Variants in BCAP29 observed in about 807,000 individuals in gnomAD.
BCAP29 encodes the protein B cell receptor associated protein 29.
A neutral mutation model predicts 31.8 loss-of-function variants in BCAP29; 34 were observed. That is an observed-to-expected ratio of 1.07 (90% CI 0.81 to 1.42). BCAP29 has a LOEUF of 1.42. BCAP29 is among the 40% of genes most tolerant of loss of function. The pLI is 0.00. For missense variants in BCAP29, 314 were observed against 269.2 expected, an observed-to-expected ratio of 1.17 and a Z score of -1.16; for synonymous variants, 104 against 91.3, an observed-to-expected ratio of 1.14 and a Z score of -0.79.
rs571166431 is a variant in BCAP29 at position 107,586,867 on chromosome 7, A to G, written c.193+2885A>G. ...TGCAGCCTCCCAAGTAGCTGGGACT[A>G]CAGGCGAGAGCCACCAACCCCTGGC... On this transcript the variant is annotated intron_variant, in intron 3 of 7. Transcript: ENST00000005259. Among the ~76,000 whole-genome samples, 41 of 151,806 alleles carry G rather than the reference A, an allele frequency of 2.7e-4. 2 individuals are homozygous for G. Among genetic ancestry groups the G allele is most frequent in the African/African-American group, 9.4e-4 (39 of 41,398 alleles).
chr7:107,622,365 T>C (rs1216590991), downstream of BCAP29: 1 of 154,354 alleles, frequency 6.5e-6, no homozygotes, highest in Admixed American at 6.5e-5. Context: ...CATCTACTTT[T>C]CAGCCTCAAC....
chr7:107,596,832 C>A (rs1809911352), intron 5 of BCAP29, among the ~76,000 whole-genome samples: 2 of 152,172 alleles, frequency 1.3e-5, no homozygotes, highest in African/African-American at 4.8e-5. Flanking sequence ...AATACTTTTG[C>A]AACTTTTCTC....
Position 107,591,946 on chromosome 7 carries a change from ATTT to A in BCAP29, c.194-2001_194-1999del, listed in dbSNP as rs953926826. Among the ~76,000 whole-genome samples, 3 of 149,388 alleles carry A rather than the reference ATTT, an allele frequency of 2.0e-5. No individual in the cohort carries two copies. In the South Asian group the frequency reaches 6.4e-4, roughly 32 times the overall value. On this transcript the variant is annotated intron_variant, in intron 3 of 7. Coordinates refer to ENST00000005259, the MANE Select transcript of BCAP29 (RefSeq NM_018844.4). ...GAATGTGAGAACTTTCTTTGTGCTT[ATTT>A]TTTTTTTAATATTTAAAAAAAGAGA...
At chr7:107,590,422 G>A (rs1365616872) in intron 3 of BCAP29, among the ~76,000 whole-genome samples, 1 of 152,182 alleles carries the variant, frequency 6.6e-6, no homozygotes, top group Non-Finnish European at 1.5e-5. Flanking sequence ...AGTAATAGAT[G>A]TCCTAGCCAG....
rs565838469 is a variant in BCAP29 at position 107,596,227 on chromosome 7, G to A, written c.480+225G>A. Among the ~76,000 whole-genome samples, 11 of 152,152 alleles carry A rather than the reference G, an allele frequency of 7.2e-5. No homozygotes were observed. The South Asian group carries it at 2.1e-3, about 29-fold the overall frequency. Reference sequence around the variant, plus strand: ...TATTTAGATTTGCTTTTTCTCCATAGTGGATTTATACCATTGGACCTATTT... The same window carrying A: ...TATTTAGATTTGCTTTTTCTCCATAATGGATTTATACCATTGGACCTATTT... On this transcript the variant is annotated intron_variant, in intron 5 of 7. Transcript: ENST00000005259.
At chr7:107,596,149 G>A in intron 5 of BCAP29, 147 bp downstream of exon 5, 1 of 705,392 alleles carries the variant, frequency 1.4e-6, no homozygotes, top group Admixed American at 3.9e-5. Context: ...ATTATTTCAA[G>A]AATAGTTTTA....
Position 107,594,104 on chromosome 7 carries a change from C to A in BCAP29, c.343C>A (p.Leu115Ile), listed in dbSNP as rs1349647774. 6.2e-7 allele frequency: 1 copy of A among 1,602,506 alleles called. No individual in the cohort carries two copies. Among genetic ancestry groups the A allele is most frequent in the African/African-American group, 1.3e-5 (1 of 74,300 alleles). Residue 115 changes from leucine to isoleucine, a missense_variant and splice_region_variant, in exon 4 of 8, where the codon CTA becomes ATA. By Grantham distance (5) the Leu-to-Ile change is conservative. Transcript: ENST00000005259. ...YISGFSLFFW[L>I]VLRRLVTLIT... ...TTCTGGATTTTCCCTATTTTTTTGG[C>A]TGTAAGTAAAAAATAATAATAGAAG...
At chr7:107,602,800 T>C (rs1264478234) in intron 6 of BCAP29, among the ~76,000 whole-genome samples, 2 of 152,028 alleles carry the variant, frequency 1.3e-5, no homozygotes, top group African/African-American at 4.8e-5. Context: ...AACTCCTATT[T>C]TGACCAAAGT....
chr7:107,617,719 A>C (rs1288404831), intron 7 of BCAP29, among the ~76,000 whole-genome samples: 3 of 152,212 alleles, frequency 2.0e-5, no homozygotes, highest in Non-Finnish European at 4.4e-5. Flanking sequence ...TTGCTATGGA[A>C]GCATTAATGT....
rs1200828918 is a variant in BCAP29 at position 107,618,500 on chromosome 7, A to G, written c.*137A>G. The G allele has an allele frequency of 1.2e-6, 2 of 1,611,930 alleles. No homozygotes were observed. The highest frequency in any genetic ancestry group is 1.7e-5 in the Admixed American group (1 of 59,978). On this transcript the variant is annotated 3_prime_UTR_variant, in exon 8 of 8. Coordinates refer to ENST00000005259, the MANE Select transcript of BCAP29 (RefSeq NM_018844.4). The stretch of plus-strand genomic sequence containing the variant: ...TAATGCCACACATAGGTTGTATTGT[A>G]ATGGCATTATCAAAATATTTGATGA...
chr7:107,616,181 G>A (rs1354664290), intron 7 of BCAP29: 1 of 152,320 alleles, frequency 6.6e-6, no homozygotes, highest in Non-Finnish European at 1.5e-5. Flanking sequence ...AAGGCAGGAG[G>A]AAGGGGAAAG....
intron 3 of BCAP29, 53 bp downstream of exon 3, chr7:107,584,035 C>A: frequency 9.7e-7 from 1 of 1,034,328 alleles, no homozygotes; most frequent in Non-Finnish European, 1.4e-6. Flanking sequence ...AAATGAATTT[C>A]TTTTTAATTA....
intron 5 of BCAP29, among the ~76,000 whole-genome samples, chr7:107,599,589 A>G (rs1810779886): frequency 6.6e-6 from 1 of 150,678 alleles, no homozygotes; most frequent in Admixed American, 6.6e-5. Flanking sequence ...ACAACAGTAT[A>G]CATATTATGT....
intron 3 of BCAP29, among the ~76,000 whole-genome samples, chr7:107,591,657 C>CACA (rs1554475285): frequency 1.4e-5 from 1 of 69,710 alleles, no homozygotes; most frequent in Non-Finnish European, 3.6e-5. Context: ...CACACACACA[C>CACA]CCTATTGGTT....
intron 7 of BCAP29, chr7:107,615,373 C>T (rs1198045720): frequency 3.7e-5 from 17 of 455,666 alleles, no homozygotes; most frequent in Non-Finnish European, 6.6e-5. Context: ...AAGGCTGAGG[C>T]GGGCGGATCA....
At chr7:107,622,137 T>G (rs902473697), downstream of BCAP29, 3 of 382,720 alleles carry the variant, frequency 7.8e-6, no homozygotes, top group Admixed American at 9.7e-5. Context: ...ATCTCTCACA[T>G]GGACTATGAC....
Position 107,584,017 on chromosome 7 carries a change from C to CT in BCAP29, c.193+42dup, listed in dbSNP as rs780341559. 26 of 1,215,106 alleles carry CT rather than the reference C, an allele frequency of 2.1e-5. No homozygotes were observed. The South Asian group carries it at 3.8e-4, about 18-fold the overall frequency. The allele number at this position is 1,215,106 out of a possible 1,614,324, so 75.3% of individuals were successfully genotyped here. A position where few individuals can be genotyped will look rare whatever the true frequency, so the allele number is the denominator to read the frequency against. On this transcript the variant is annotated intron_variant, in intron 3 of 7. Transcript: ENST00000005259. ...AGATCCCTTCTTTGAATAAATATAA[C>CT]TTTTTTTAAATGAATTTCTTTTTAA...
At chr7:107,586,562 A>G (rs1807720840) in intron 3 of BCAP29, among the ~76,000 whole-genome samples, 1 of 152,176 alleles carries the variant, frequency 6.6e-6, no homozygotes, top group African/African-American at 2.4e-5. Context: ...TAACATATGT[A>G]AAGTGCAGAG....
chr7:107,608,304 ATTTG>A (rs1404800948), intron 6 of BCAP29, among the ~76,000 whole-genome samples: 1 of 151,962 alleles, frequency 6.6e-6, no homozygotes, highest in Non-Finnish European at 1.5e-5. Flanking sequence ...GTTGTCTACC[ATTTG>A]TTTGTCAGTA....
Sources: allele counts gnomAD v4.1 joint callset (sites outside exome capture counted in the v4.1 genomes callset), GRCh38; gene constraint gnomAD v4.1.1; transcripts MANE v1.5; gene names NCBI Gene and HGNC (gene_info 2026-07-23, HGNC 2026-07-21).